Variants in KIAA0040 observed in about 807,000 individuals in gnomAD.
KIAA0040 encodes uncharacterized protein KIAA0040.
Under a neutral mutation model 7.2 loss-of-function variants are expected in KIAA0040, and 10 were observed. The observed-to-expected ratio is 1.38, with a 90% CI of 0.85 to 2.34. The LOEUF is 2.34. KIAA0040 is among the 30% of genes most tolerant of loss of function. The pLI is 0.00. For missense variants in KIAA0040, 89 were observed against 108.2 expected (o/e 0.82, Z 0.79); for synonymous variants, 49 against 40.1 (o/e 1.22, Z -0.84).
intron 2 of KIAA0040, among the ~76,000 whole-genome samples, chr1:175,167,734 A>G (rs1204132705): frequency 1.3e-5 from 2 of 152,088 alleles, no homozygotes; most frequent in Non-Finnish European, 2.9e-5. Flanking sequence ...AAAGGGCGGG[A>G]TGATGGCGTG....
At position 175,160,813 on chromosome 1, in the gene KIAA0040, C is replaced by T. The variant is rs764995026; in HGVS notation, c.201G>A (p.Lys67=). The change falls in exon 4 of 4, where the codon AAG becomes AAA. Residue 67 remains lysine (K), a synonymous_variant. Transcript: ENST00000423313. ...CCTTCTTCTTCTTCTTCTTCTTCTT[C>T]TTCTTGTTCTTCTCTGGCTGCTGGC... ...KRGQQPEKNK[K]KKKKKKKKDE... is the part of the protein sequence containing the mutation. The T allele has an allele frequency of 5.4e-6, 3 of 552,472 alleles. No homozygotes were observed. The highest frequency in any genetic ancestry group is 7.2e-5 in the African/African-American group (2 of 27,804). 34.2% of individuals were successfully genotyped at this position (552,472 alleles called of 1,614,324 possible). A position where few individuals can be genotyped will look rare whatever the true frequency, so the allele number is the denominator to read the frequency against.
chr1:175,157,514 C>T lies in KIAA0040; in HGVS notation c.*3200G>A, dbSNP rs750831899. ...GTAATACCTAATGTTAAGAGAGTAACCATCTGACTACATCAAGACTTTTCA... is the reference window on the plus strand; with the variant it reads ...GTAATACCTAATGTTAAGAGAGTAATCATCTGACTACATCAAGACTTTTCA... On this transcript the variant is annotated 3_prime_UTR_variant, in exon 4 of 4. Coordinates refer to ENST00000423313, the MANE Select transcript of KIAA0040 (RefSeq NM_014656.3). 2.0e-5 allele frequency: 3 copies of T among 152,108 alleles called. No individual in the cohort carries two copies. The highest frequency in any genetic ancestry group is 2.9e-5 in the Non-Finnish European group (2 of 68,036). The allele number at this position is 152,108 out of a possible 1,614,324, so 9.4% of individuals were successfully genotyped here.
At chr1:175,183,541 T>C (rs922855007) in intron 1 of KIAA0040, among the ~76,000 whole-genome samples, 8 of 152,182 alleles carry the variant, frequency 5.3e-5, no homozygotes, top group Admixed American at 3.3e-4. Context: ...GACCCGGGCC[T>C]GGGCAGAGCA....
intron 1 of KIAA0040, among the ~76,000 whole-genome samples, chr1:175,183,965 A>G (rs369527286): frequency 1.3e-5 from 2 of 152,214 alleles, no homozygotes; most frequent in African/African-American, 4.8e-5. Context: ...ATGGAAAAAA[A>G]TGGAAGCAGC....
chr1:175,160,861 G>A lies in KIAA0040; in HGVS notation c.153C>T (p.Cys51=). ...ITLLFICCHC[C]WSPPGKRGQQ... Reference sequence around the variant, plus strand: ...GGCCCCTCTTGCCTGGTGGGCTCCAGCAGCAATGGCAACAGATGAAGAGGA... The same window carrying A: ...GGCCCCTCTTGCCTGGTGGGCTCCAACAGCAATGGCAACAGATGAAGAGGA... The change falls in exon 4 of 4, where the codon TGC becomes TGT. Residue 51 remains cysteine, a synonymous_variant. Transcript: ENST00000423313. 2 of 1,551,540 alleles carry A rather than the reference G, an allele frequency of 1.3e-6. No homozygotes were observed. The highest frequency in any genetic ancestry group is 1.7e-6 in the Non-Finnish European group (2 of 1,146,980).
chr1:175,157,616 C>T lies in KIAA0040; in HGVS notation c.*3098G>A, dbSNP rs1676336388. 6.6e-6 allele frequency: 1 copy of T among 152,118 alleles called. No individual in the cohort carries two copies. The highest frequency in any genetic ancestry group is 2.1e-4 in the South Asian group (1 of 4,818). The allele number at this position is 152,118 out of a possible 1,614,324, so 9.4% of individuals were successfully genotyped here. ...TTACAGAAAAAAATACTGACAAATA[C>T]TATACAGCTTGGACCCTTTATATTT... On this transcript the variant is annotated 3_prime_UTR_variant, in exon 4 of 4. Transcript: ENST00000423313.
chr1:175,167,061 G>A (rs995888174), intron 2 of KIAA0040, among the ~76,000 whole-genome samples: 1 of 152,150 alleles, frequency 6.6e-6, no homozygotes, highest in Non-Finnish European at 1.5e-5. Flanking sequence ...AGGTGTGAAA[G>A]TGTAATTATG....
intron 2 of KIAA0040, among the ~76,000 whole-genome samples, chr1:175,168,186 C>A (rs775104967): frequency 2.0e-5 from 3 of 152,166 alleles, no homozygotes; most frequent in Admixed American, 1.3e-4. Context: ...ACCTTGCTAA[C>A]CTGGCATGCT....
At chr1:175,183,886 G>A (rs1038821782) in intron 1 of KIAA0040, among the ~76,000 whole-genome samples, 2 of 152,156 alleles carry the variant, frequency 1.3e-5, no homozygotes, top group Non-Finnish European at 2.9e-5. Context: ...ATATTGTTTT[G>A]TTTTTGGAAA....
intron 1 of KIAA0040, among the ~76,000 whole-genome samples, chr1:175,185,104 G>A (rs1228533009): frequency 1.3e-5 from 2 of 152,074 alleles, no homozygotes; most frequent in African/African-American, 4.8e-5. Flanking sequence ...AAAAGTTTTT[G>A]AGTGCTGATA....
intron 2 of KIAA0040, among the ~76,000 whole-genome samples, chr1:175,169,078 T>C (rs1676883544): frequency 6.6e-6 from 1 of 152,232 alleles, no homozygotes; most frequent in Non-Finnish European, 1.5e-5. Context: ...GAATAAACTT[T>C]TGTTGGGTGA....
In KIAA0040 at chr1:175,160,151, A is replaced by C. The variant is rs540756714; in HGVS notation, c.*563T>G. ...TAGAGTTAGAAATAGGAAAGCATGCATCTGTAACCTGAGTGGTTTATGGAA... is the reference window on the plus strand; with the variant it reads ...TAGAGTTAGAAATAGGAAAGCATGCCTCTGTAACCTGAGTGGTTTATGGAA... On this transcript the variant is annotated 3_prime_UTR_variant, in exon 4 of 4. Transcript: ENST00000423313. The C allele has an allele frequency of 6.5e-6, 1 of 154,470 alleles. No homozygotes were observed. The highest frequency in any genetic ancestry group is 2.1e-4 in the South Asian group (1 of 4,826). 9.6% of individuals were successfully genotyped at this position (154,470 alleles called of 1,614,324 possible).
chr1:175,180,593 C>T (rs1677399218), intron 1 of KIAA0040, among the ~76,000 whole-genome samples: 1 of 152,134 alleles, frequency 6.6e-6, no homozygotes, highest in South Asian at 2.1e-4. Flanking sequence ...GCTCAAATAC[C>T]AGGTATTCTT....
chr1:175,164,119 G>C (rs537013483), intron 3 of KIAA0040, among the ~76,000 whole-genome samples: 33 of 152,274 alleles, frequency 2.2e-4, no homozygotes, highest in Non-Finnish European at 4.3e-4. Context: ...TAGAGGGGCC[G>C]TCATAGGGTT....
rs1676473302 is a variant in KIAA0040, at chr1:175,160,192, G to T, written c.*522C>A. On this transcript the variant is annotated 3_prime_UTR_variant, in exon 4 of 4. Coordinates refer to ENST00000423313, the MANE Select transcript of KIAA0040 (RefSeq NM_014656.3). ...GTTTATGGAATAGATGGTGTATGGG[G>T]GCCTTGCTGGTTAGGAAATTGTATA... The T allele has an allele frequency of 6.4e-6, 1 of 155,654 alleles. No individual in the cohort carries two copies. Among genetic ancestry groups the T allele is most frequent in the Non-Finnish European group, 1.4e-5 (1 of 69,442 alleles). The allele number at this position is 155,654 out of a possible 1,614,324, so 9.6% of individuals were successfully genotyped here. A position where few individuals can be genotyped will look rare whatever the true frequency, so the allele number is the denominator to read the frequency against.
At chr1:175,162,753 T>C (rs61829487) in intron 3 of KIAA0040, among the ~76,000 whole-genome samples, 10,000 of 152,228 alleles carry the variant, frequency 0.066, 421 homozygotes, top group Non-Finnish European at 0.094. Context: ...CATGTGCCTA[T>C]CTAAGCCCCA....
chr1:175,165,012 C>A (rs1010845306), intron 3 of KIAA0040, among the ~76,000 whole-genome samples: 1 of 152,222 alleles, frequency 6.6e-6, no homozygotes, highest in Non-Finnish European at 1.5e-5. Flanking sequence ...AGGTGCCAAC[C>A]AACCTCATCT....
At chr1:175,163,926 G>A (rs1018331950) in intron 3 of KIAA0040, among the ~76,000 whole-genome samples, 13 of 152,190 alleles carry the variant, frequency 8.5e-5, no homozygotes, top group African/African-American at 3.1e-4. Context: ...CCACCTGGGG[G>A]ACGACCTTGA....
chr1:175,165,551 T>G (rs1676725436), intron 3 of KIAA0040, among the ~76,000 whole-genome samples: 1 of 152,198 alleles, frequency 6.6e-6, no homozygotes, highest in Non-Finnish European at 1.5e-5. Flanking sequence ...ATAATCTCCC[T>G]AATATGGTTG....
Sources: allele counts gnomAD v4.1 joint callset (sites outside exome capture counted in the v4.1 genomes callset), GRCh38; gene constraint gnomAD v4.1.1; transcripts MANE v1.5; gene names NCBI Gene and HGNC (gene_info 2026-07-23, HGNC 2026-07-21).